CDH20: variants seen among roughly 807,000 people sequenced by gnomAD.
CDH20 encodes the protein cadherin-20.
In CDH20, 29 loss-of-function variants were observed where a neutral mutation model predicts 74.2. The observed-to-expected ratio is 0.39, with a 90% CI of 0.29 to 0.53. CDH20 has a LOEUF of 0.53. Among genes scored for constraint, CDH20 ranks in the 20% least tolerant of loss-of-function variants. The pLI, the probability that CDH20 is intolerant of heterozygous loss-of-function variation, is 0.69. For synonymous variants in CDH20, 469 were observed against 405.4 expected, an observed-to-expected ratio of 1.16 and a Z score of -1.88; for missense variants, 988 against 1,048.3, an observed-to-expected ratio of 0.94 and a Z score of 0.79.
intron 1 of CDH20, among the ~76,000 whole-genome samples, chr18:61,476,049 G>T (rs1910369538): frequency 6.6e-6 from 1 of 152,088 alleles, no homozygotes; most frequent in Non-Finnish European, 1.5e-5. Context: ...TCCAGGTGTG[G>T]CAGAGTGCAT....
At chr18:61,375,823 A>C (rs559796486) in intron 1 of CDH20, among the ~76,000 whole-genome samples, 1 of 152,214 alleles carries the variant, frequency 6.6e-6, no homozygotes, top group East Asian at 1.9e-4. Flanking sequence ...CAACCATTTC[A>C]CTACTACTGT....
chr18:61,518,069 G>T (rs1484690349), intron 6 of CDH20, among the ~76,000 whole-genome samples: 7 of 152,176 alleles, frequency 4.6e-5, no homozygotes, highest in African/African-American at 1.7e-4. Flanking sequence ...TGCCTCTCTA[G>T]ATTCCTCCTC....
chr18:61,435,682 A>G (rs1281535117), intron 1 of CDH20, among the ~76,000 whole-genome samples: 1 of 150,816 alleles, frequency 6.6e-6, no homozygotes, highest in East Asian at 1.9e-4. Flanking sequence ...AAATATATAT[A>G]TAACAGCTTT....
chr18:61,529,085 A>T (rs974496641), intron 7 of CDH20, among the ~76,000 whole-genome samples: 10 of 152,188 alleles, frequency 6.6e-5, no homozygotes, highest in African/African-American at 2.4e-4. Context: ...AACTGGAACC[A>T]AAGTGCAAAT....
chr18:61,492,383 C>T (rs1014850508), intron 2 of CDH20, among the ~76,000 whole-genome samples: 2 of 152,150 alleles, frequency 1.3e-5, no homozygotes, highest in African/African-American at 4.8e-5. Context: ...TCCTCATGTC[C>T]ACCTGCACCT....
chr18:61,550,421 A>T (rs944481251), intron 11 of CDH20, among the ~76,000 whole-genome samples, 192 bp downstream of exon 11: 5 of 152,238 alleles, frequency 3.3e-5, no homozygotes, highest in Non-Finnish European at 2.9e-5. Flanking sequence ...TGTCTGTGGC[A>T]AGATCAAAGC....
intron 1 of CDH20, among the ~76,000 whole-genome samples, chr18:61,354,167 A>G (rs1237546078): frequency 6.6e-6 from 1 of 152,168 alleles, no homozygotes; most frequent in African/African-American, 2.4e-5. Flanking sequence ...GATGACACTG[A>G]TCTGGAACAT....
At chr18:61,438,023 A>C (rs1908893937) in intron 1 of CDH20, among the ~76,000 whole-genome samples, 1 of 152,180 alleles carries the variant, frequency 6.6e-6, no homozygotes, top group South Asian at 2.1e-4. Flanking sequence ...TGGATGATCA[A>C]GAATAAATAT....
chr18:61,544,937 C>T (rs770348251), intron 9 of CDH20, 90 bp from the exon 10 acceptor site: 18 of 818,936 alleles, frequency 2.2e-5, no homozygotes, highest in Non-Finnish European at 3.5e-5. Flanking sequence ...TAAAACATCC[C>T]ACCATCGCGT....
intron 1 of CDH20, among the ~76,000 whole-genome samples, chr18:61,414,604 T>A (rs1052584115): frequency 6.6e-6 from 1 of 152,118 alleles, no homozygotes; most frequent in Non-Finnish European, 1.5e-5. Context: ...CCTATCTGTA[T>A]AGTATAATAT....
intron 1 of CDH20, among the ~76,000 whole-genome samples, chr18:61,355,464 C>A (rs1910468594): frequency 6.6e-6 from 1 of 152,168 alleles, no homozygotes; most frequent in African/African-American, 2.4e-5. Flanking sequence ...TATTTACACA[C>A]AAGGAAAGAA....
At chr18:61,485,033 T>C (rs1910710037) in intron 1 of CDH20, among the ~76,000 whole-genome samples, 1 of 152,162 alleles carries the variant, frequency 6.6e-6, no homozygotes, top group African/African-American at 2.4e-5. Flanking sequence ...GCTGAACTTT[T>C]AGCCTCAGGA....
In CDH20 at chr18:61,353,632, T is replaced by C. The variant is rs1910384301; in HGVS notation, c.-153+19805T>C. ...TTGTTCAGTTAAATTTAATGGACCC[T>C]CAAATGTAACGGACCACCACCTATC... is the stretch of plus-strand genomic sequence containing the variant. On this transcript the variant is annotated intron_variant, in intron 1 of 11. Transcript: ENST00000262717. This position sits in a 1 kb window ranked among gnomAD's most constrained non-coding sequence, Gnocchi z 4.6. 6.6e-6 allele frequency among the ~76,000 whole-genome samples: 1 copy of C among 152,208 alleles called. No individual in the cohort carries two copies. Among genetic ancestry groups the C allele is most frequent in the Non-Finnish European group, 1.5e-5 (1 of 68,042 alleles).
chr18:61,432,011 C>A (rs965495878), intron 1 of CDH20, among the ~76,000 whole-genome samples: 10 of 151,882 alleles, frequency 6.6e-5, no homozygotes, highest in African/African-American at 2.4e-4. Flanking sequence ...TCGAGGCGGG[C>A]AGATCACCTG....
chr18:61,346,056 C>T (rs914180688), intron 1 of CDH20, among the ~76,000 whole-genome samples: 2 of 152,202 alleles, frequency 1.3e-5, no homozygotes, highest in Non-Finnish European at 2.9e-5. Context: ...CATCTCTACC[C>T]TTATGTCTAA....
intron 1 of CDH20, among the ~76,000 whole-genome samples, chr18:61,471,230 T>C (rs1910164340): frequency 6.6e-6 from 1 of 152,226 alleles, no homozygotes; most frequent in South Asian, 2.1e-4. Context: ...CTTTAAATTC[T>C]AGGCCATAGC....
At chr18:61,488,526 C>T (rs1910846808) in intron 1 of CDH20, among the ~76,000 whole-genome samples, 1 of 152,006 alleles carries the variant, frequency 6.6e-6, no homozygotes, top group Non-Finnish European at 1.5e-5. Flanking sequence ...AATTATTGGC[C>T]CTGCTTAATA....
intron 7 of CDH20, among the ~76,000 whole-genome samples, chr18:61,529,547 C>T (rs1912565028): frequency 6.6e-6 from 1 of 152,088 alleles, no homozygotes; most frequent in African/African-American, 2.4e-5. Flanking sequence ...TGTATTTCAA[C>T]CTGAAGCTTT....
intron 1 of CDH20, among the ~76,000 whole-genome samples, chr18:61,475,486 GTTTTA>G (rs1356700031): frequency 6.6e-6 from 1 of 152,106 alleles, no homozygotes; most frequent in East Asian, 1.9e-4. Flanking sequence ...AAGTTACTAG[GTTTTA>G]TTTTATTCAT....
Sources: gnomAD v4.1 joint callset for allele counts (sites outside exome capture counted in the v4.1 genomes callset) on GRCh38, gnomAD v4.1.1 for gene constraint, Gnocchi (gnomAD v3.1) non-coding constraint, MANE v1.5 for transcripts, NCBI Gene and HGNC (gene_info 2026-07-23, HGNC 2026-07-21) for gene names.